The following TLK1 variants were observed in gnomAD, a reference collection of about 807,000 sequenced individuals.
TLK1 encodes the protein serine/threonine-protein kinase tousled-like 1.
A neutral mutation model predicts 105.3 loss-of-function variants in TLK1; 24 were observed. The observed-to-expected ratio is 0.23, with a 90% confidence interval of 0.17 to 0.32. The LOEUF is 0.32. Ranked by LOEUF, TLK1 falls within the 10% of genes least tolerant of loss-of-function variation. TLK1 has a pLI of 1.00. For missense variants in TLK1, 558 were observed against 910.5 expected, an observed-to-expected ratio of 0.61 and a Z score of 4.98; for synonymous variants, 321 against 310.4, an observed-to-expected ratio of 1.03 and a Z score of -0.36.
chr2:171,208,921 G>C (rs1480595469), intron 1 of TLK1, among the ~76,000 whole-genome samples: 3 of 152,194 alleles, frequency 2.0e-5, no homozygotes, highest in Non-Finnish European at 2.9e-5. Flanking sequence ...TGTAGGAAAT[G>C]ACATGTATGA....
intron 1 of TLK1, among the ~76,000 whole-genome samples, chr2:171,187,078 A>AAAAAAG (rs1287672796): frequency 1.0e-3 from 130 of 127,376 alleles, no homozygotes; most frequent in African/African-American, 4.3e-3. Context: ...AAAAAAAAAA[A>AAAAAAG]AAAAAGAAAA....
chr2:171,157,152 G>A (rs1692270482), intron 1 of TLK1, among the ~76,000 whole-genome samples: 1 of 152,120 alleles, frequency 6.6e-6, no homozygotes. Flanking sequence ...AAAAAGTAAA[G>A]CAAATTATTT....
intron 1 of TLK1, among the ~76,000 whole-genome samples, chr2:171,131,831 T>C (rs1691117465): frequency 6.6e-6 from 1 of 152,028 alleles, no homozygotes; most frequent in Non-Finnish European, 1.5e-5. Context: ...TTTTTCCACA[T>C]ACTTTTTTTT....
rs183920389 is a variant in TLK1, at chr2:171,026,414, C to G, written c.1236+1925G>C. ...ACAAAAACAAACCCTCCTTTGAAGCCTTTTCAAAGTGTACTTTTTGTAATA... is the reference window on the plus strand; with the variant it reads ...ACAAAAACAAACCCTCCTTTGAAGCGTTTTCAAAGTGTACTTTTTGTAATA... On this transcript the variant is annotated intron_variant, in intron 12 of 20. Coordinates refer to ENST00000431350, the MANE Select transcript of TLK1 (RefSeq NM_012290.5). Among the ~76,000 whole-genome samples the G allele has an allele frequency of 1.4e-3, 206 of 152,208 alleles. 1 individual carries two copies. The highest frequency in any genetic ancestry group is 4.6e-3 in the African/African-American group (190 of 41,562).
chr2:171,153,263 A>T (rs1258090738), intron 1 of TLK1, among the ~76,000 whole-genome samples: 1 of 152,234 alleles, frequency 6.6e-6, no homozygotes, highest in African/African-American at 2.4e-5. Context: ...TCTCATCTGA[A>T]GATGGGAATA....
intron 1 of TLK1, among the ~76,000 whole-genome samples, chr2:171,143,790 A>C (rs1691686320): frequency 1.3e-5 from 2 of 151,946 alleles, no homozygotes; most frequent in Non-Finnish European, 2.9e-5. Flanking sequence ...AAGAGGACAA[A>C]AGAGAAATGA....
intron 1 of TLK1, among the ~76,000 whole-genome samples, chr2:171,207,431 A>G (rs1244873115): frequency 2.6e-5 from 4 of 152,238 alleles, no homozygotes; most frequent in Non-Finnish European, 1.5e-5. Flanking sequence ...TTAGGGCAGT[A>G]TAACAGTGGA....
chr2:171,153,653 G>A (rs932288678), intron 1 of TLK1, among the ~76,000 whole-genome samples: 2 of 152,160 alleles, frequency 1.3e-5, no homozygotes, highest in Middle Eastern at 3.2e-3. Context: ...ACAATCCTGT[G>A]AGACACTAAA....
At chr2:171,158,549 G>C (rs1194507197) in intron 1 of TLK1, among the ~76,000 whole-genome samples, 2 of 152,150 alleles carry the variant, frequency 1.3e-5, no homozygotes, top group South Asian at 2.1e-4. Flanking sequence ...TCAGTATCCA[G>C]TTCACGGCCT....
intron 11 of TLK1, among the ~76,000 whole-genome samples, chr2:171,037,028 G>T (rs1387669157): frequency 6.6e-6 from 1 of 151,658 alleles, no homozygotes; most frequent in African/African-American, 2.4e-5. Context: ...AATACACAGA[G>T]CAAAGAAAAA....
chr2:171,101,858 T>A (rs960349402), intron 2 of TLK1, among the ~76,000 whole-genome samples: 1 of 152,144 alleles, frequency 6.6e-6, no homozygotes, highest in African/African-American at 2.4e-5. Context: ...CACAGGCACA[T>A]AAGAGGAATT....
At chr2:171,169,424 T>C (rs1692683244) in intron 1 of TLK1, among the ~76,000 whole-genome samples, 1 of 152,102 alleles carries the variant, frequency 6.6e-6, no homozygotes, top group Admixed American at 6.5e-5. Context: ...CTCAATCATA[T>C]AAAATGTGTA....
At chr2:171,096,952 G>A (rs111584400) in intron 2 of TLK1, among the ~76,000 whole-genome samples, 1 of 152,084 alleles carries the variant, frequency 6.6e-6, no homozygotes. Flanking sequence ...AAACTCCAAT[G>A]GCATTTTTCA....
chr2:171,006,016 A>C, intron 18 of TLK1, 131 bp downstream of exon 18: 4 of 894,590 alleles, frequency 4.5e-6, no homozygotes, highest in Non-Finnish European at 6.3e-6. Flanking sequence ...CTCTCAACTG[A>C]GAGCTTAATA....
At chr2:171,008,463 G>C (rs1328210751) in intron 14 of TLK1, among the ~76,000 whole-genome samples, 3 of 152,074 alleles carry the variant, frequency 2.0e-5, no homozygotes, top group Non-Finnish European at 4.4e-5. Flanking sequence ...CATAGTAAAG[G>C]ATAATTGAAG....
chr2:171,197,344 T>C (rs1693294411), intron 1 of TLK1, among the ~76,000 whole-genome samples: 1 of 152,200 alleles, frequency 6.6e-6, no homozygotes, highest in South Asian at 2.1e-4. Flanking sequence ...TATTTTCTTT[T>C]ATATAGCTTT....
At chr2:171,007,645 G>A (rs540953539) in intron 14 of TLK1, among the ~76,000 whole-genome samples, 1 of 152,012 alleles carries the variant, frequency 6.6e-6, no homozygotes, top group South Asian at 2.1e-4. Context: ...TGCCATTCTT[G>A]TTTCATCTAT....
At chr2:171,121,894 A>C (rs971505049) in intron 1 of TLK1, among the ~76,000 whole-genome samples, 2 of 152,352 alleles carry the variant, frequency 1.3e-5, no homozygotes, top group African/African-American at 2.4e-5. Context: ...GTTTCTAACC[A>C]AAAACTCTTA....
rs187877867 is a variant in TLK1 at position 171,067,868 on chromosome 2, G to A, written c.331-6712C>T. Among the ~76,000 whole-genome samples the A allele has an allele frequency of 4.4e-3, 663 of 152,140 alleles. 6 individuals are homozygous for A. Among genetic ancestry groups the A allele is most frequent in the African/African-American group, 0.015 (603 of 41,496 alleles). On this transcript the variant is annotated intron_variant, in intron 3 of 20. Transcript: ENST00000431350. ...CTCCCACTTAAGAGTAAGAACATAT[G>A]GTGTTTGGTCTTCTGTTCTTGTGTT...
Sources: allele counts gnomAD v4.1 joint callset (sites outside exome capture counted in the v4.1 genomes callset), GRCh38; gene constraint gnomAD v4.1.1; transcripts MANE v1.5; gene names NCBI Gene and HGNC (gene_info 2026-07-23, HGNC 2026-07-21).